Variants in NCOA5 observed in about 807,000 individuals in gnomAD.
NCOA5 encodes NCoA-5.
NCOA5 carries 12 observed loss-of-function variants against 59.0 expected under a neutral mutation model. That is an observed-to-expected ratio of 0.20 (90% CI 0.13 to 0.33). NCOA5 has a LOEUF of 0.33. NCOA5 is among the 10% of genes least tolerant of loss of function. NCOA5 has a pLI of 1.00. For synonymous variants in NCOA5, 270 were observed against 275.5 expected, an observed-to-expected ratio of 0.98 and a Z score of 0.20; for missense variants, 655 against 766.6, an observed-to-expected ratio of 0.85 and a Z score of 1.72.
At chr20:46,082,675 T>C (rs967973604) in intron 1 of NCOA5, among the ~76,000 whole-genome samples, 1 of 152,230 alleles carries the variant, frequency 6.6e-6, no homozygotes, top group African/African-American at 2.4e-5. Context: ...ATAATCACCA[T>C]GAAGTGCTTT....
rs747266569 is a variant in NCOA5, at chr20:46,065,013, T to C, written c.829+16A>G. Reference sequence around the variant, plus strand: ...ATAATGGACTAGTGACTACCTCCGGTATTCTGACTCTGTACCTTGCGGGGT... The same window carrying C: ...ATAATGGACTAGTGACTACCTCCGGCATTCTGACTCTGTACCTTGCGGGGT... On this transcript the variant is annotated intron_variant, in intron 6 of 7. Transcript: ENST00000290231. The C allele has an allele frequency of 6.2e-7, 1 of 1,613,762 alleles. No individual in the cohort carries two copies. Among genetic ancestry groups the C allele is most frequent in the African/African-American group, 1.3e-5 (1 of 75,052 alleles).
At chr20:46,064,364 G>C (rs914662296) in intron 6 of NCOA5, among the ~76,000 whole-genome samples, 9 of 152,344 alleles carry the variant, frequency 5.9e-5, no homozygotes, top group African/African-American at 1.9e-4. Context: ...AGTCTGTGCT[G>C]TAAGAGTGAG....
intron 4 of NCOA5, among the ~76,000 whole-genome samples, chr20:46,068,055 C>G (rs755487185): frequency 6.6e-6 from 1 of 152,088 alleles, no homozygotes; most frequent in Non-Finnish European, 1.5e-5. Flanking sequence ...CTCAGCCCCC[C>G]GAGTAGCTGG....
At chr20:46,065,712 C>T (rs113883101) in intron 5 of NCOA5, among the ~76,000 whole-genome samples, 4 of 152,146 alleles carry the variant, frequency 2.6e-5, no homozygotes, top group South Asian at 2.1e-4. Context: ...TCAGTTCATA[C>T]GTCATTTTTT....
intron 2 of NCOA5, among the ~76,000 whole-genome samples, chr20:46,077,363 C>G (rs1157905309): frequency 6.6e-6 from 1 of 152,138 alleles, no homozygotes; most frequent in African/African-American, 2.4e-5. Context: ...GGGTTTCAAC[C>G]AGGGAAGTTG....
At chr20:46,071,124 T>C (rs1215041312) in intron 2 of NCOA5, among the ~76,000 whole-genome samples, 4 of 151,076 alleles carry the variant, frequency 2.6e-5, no homozygotes, top group Admixed American at 6.6e-5. Flanking sequence ...GCTGATTCCA[T>C]TTTGCTCAAG....
chr20:46,065,371 T>A, intron 5 of NCOA5, 143 bp from the exon 6 acceptor site: 1 of 767,276 alleles, frequency 1.3e-6, no homozygotes, highest in Non-Finnish European at 2.1e-6. Context: ...TCTAGACCAA[T>A]ACTCTCTCTC....
intron 2 of NCOA5, among the ~76,000 whole-genome samples, chr20:46,073,451 CTTA>C (rs2084905745): frequency 6.6e-6 from 1 of 152,174 alleles, no homozygotes; most frequent in African/African-American, 2.4e-5. Flanking sequence ...TTCAACCTTC[CTTA>C]TTACATCATA....
intron 1 of NCOA5, among the ~76,000 whole-genome samples, chr20:46,082,257 T>G (rs931770739): frequency 2.0e-5 from 3 of 152,118 alleles, no homozygotes; most frequent in African/African-American, 7.2e-5. Context: ...ATCTAATCTA[T>G]AGTTTTATTT....
intron 1 of NCOA5, among the ~76,000 whole-genome samples, chr20:46,082,812 A>C (rs1321062472): frequency 6.6e-6 from 1 of 152,220 alleles, no homozygotes; most frequent in Non-Finnish European, 1.5e-5. Flanking sequence ...AAAATAATCT[A>C]GAAAACATGC....
chr20:46,086,493 T>C (rs1410033597), intron 1 of NCOA5, among the ~76,000 whole-genome samples: 2 of 152,204 alleles, frequency 1.3e-5, no homozygotes, highest in Non-Finnish European at 2.9e-5. Context: ...ATACTTCATA[T>C]TTCTCTAATG....
chr20:46,066,857 T>C (rs62215581), intron 5 of NCOA5, among the ~76,000 whole-genome samples, 198 bp downstream of exon 5: 28,568 of 152,214 alleles, frequency 0.19, 2,861 homozygotes, highest in South Asian at 0.29. Context: ...CAGTTAATTT[T>C]TGCTTAAATG....
At chr20:46,072,729 C>T (rs933490474) in intron 2 of NCOA5, among the ~76,000 whole-genome samples, 5 of 152,214 alleles carry the variant, frequency 3.3e-5, no homozygotes, top group African/African-American at 1.2e-4. Flanking sequence ...ATATCCCCTA[C>T]TCCCTGATTG....
At chr20:46,077,967 T>C (rs2084955722) in intron 2 of NCOA5, among the ~76,000 whole-genome samples, 1 of 152,188 alleles carries the variant, frequency 6.6e-6, no homozygotes. Flanking sequence ...TACACACAAA[T>C]CAACCAACAG....
intron 2 of NCOA5, among the ~76,000 whole-genome samples, chr20:46,075,546 G>A (rs557542576): frequency 6.6e-6 from 1 of 152,258 alleles, no homozygotes; most frequent in Admixed American, 6.5e-5. Context: ...ACAAATATAT[G>A]GGGAAAAATC....
chr20:46,071,308 C>T (rs2084880458), intron 2 of NCOA5, among the ~76,000 whole-genome samples: 1 of 152,198 alleles, frequency 6.6e-6, no homozygotes, highest in African/African-American at 2.4e-5. Flanking sequence ...CCAACCCCAT[C>T]AGTCCCATTC....
Position 46,070,338 on chromosome 20 carries a change from G to A in NCOA5, c.237C>T (p.Arg79=), listed in dbSNP as rs147309997. 1.5e-4 allele frequency: 237 copies of A among 1,613,314 alleles called. 2 individuals are homozygous for A. The African/African-American group carries it at 2.6e-3, about 17-fold the overall frequency. Residue 79 remains arginine (R), a synonymous_variant, in exon 3 of 8, where the codon CGC becomes CGT. Transcript: ENST00000290231. ...TAAGATCCCTCACGTCCCGAACGTC[G>A]CGCACACTCCTGCTGTCTCTGTGAT... The part of the protein sequence containing the change: ...LRDHRDSRSV[R]DVRDVRDLRD...
chr20:46,074,915 C>T (rs1376560188), intron 2 of NCOA5, among the ~76,000 whole-genome samples: 1 of 152,216 alleles, frequency 6.6e-6, no homozygotes, highest in East Asian at 1.9e-4. Context: ...CTGCAAAGGT[C>T]AGCATCTCCT....
Position 46,061,966 on chromosome 20 carries a change from A to T in NCOA5, c.*334T>A, listed in dbSNP as rs962930831. On this transcript the variant is annotated 3_prime_UTR_variant, in exon 8 of 8. Coordinates refer to ENST00000290231, the MANE Select transcript of NCOA5 (RefSeq NM_020967.3). ...CTACTGACATGACAAATGCCATTCC[A>T]AACTTGGCTAGCTGGGCCTGGCTCC... 7 of 201,462 alleles carry T rather than the reference A, an allele frequency of 3.5e-5. No individual in the cohort carries two copies. The highest frequency in any genetic ancestry group is 9.3e-5 in the African/African-American group (4 of 43,080). The allele number at this position is 201,462 out of a possible 1,614,324, so 12.5% of individuals were successfully genotyped here. A position where few individuals can be genotyped will look rare whatever the true frequency, so the allele number is the denominator to read the frequency against.
Sources: allele counts gnomAD v4.1 joint callset (sites outside exome capture counted in the v4.1 genomes callset), GRCh38; gene constraint gnomAD v4.1.1; transcripts MANE v1.5; gene names NCBI Gene and HGNC (gene_info 2026-07-23, HGNC 2026-07-21).